RAB36: variants seen among roughly 807,000 people sequenced by gnomAD.
The protein encoded by RAB36 is RAB36, member RAS oncogene family.
In RAB36, 33 loss-of-function variants were observed where a neutral mutation model predicts 39.3. The observed-to-expected ratio is 0.84, with a 90% CI of 0.64 to 1.12. The LOEUF is 1.12. Ranked by LOEUF, RAB36 falls within the 50% of genes most tolerant of loss-of-function variation. The pLI is 0.00. For missense variants in RAB36, 308 were observed against 355.3 expected, an observed-to-expected ratio of 0.87 and a Z score of 1.07; for synonymous variants, 133 against 140.2, an observed-to-expected ratio of 0.95 and a Z score of 0.36.
intron 3 of RAB36, among the ~76,000 whole-genome samples, chr22:23,151,710 C>T (rs2071138301): frequency 6.6e-6 from 1 of 152,180 alleles, no homozygotes; most frequent in African/African-American, 2.4e-5. Flanking sequence ...CACAGCGAGA[C>T]CCTGTCTCTA....
At chr22:23,157,104 A>G (rs1336235345) in intron 6 of RAB36, among the ~76,000 whole-genome samples, 1 of 152,296 alleles carries the variant, frequency 6.6e-6, no homozygotes, top group East Asian at 1.9e-4. Flanking sequence ...GGGTGCGGCC[A>G]GTGATGAGAG....
At position 23,161,913 on chromosome 22, in the gene RAB36, A is replaced by G. The variant is rs931341126; in HGVS notation, c.*349A>G. 18 of 278,832 alleles carry G rather than the reference A, an allele frequency of 6.5e-5. No homozygotes were observed. Among genetic ancestry groups the G allele is most frequent in the East Asian group, 5.9e-4 (6 of 10,160 alleles). The allele number at this position is 278,832 out of a possible 1,614,324, so 17.3% of individuals were successfully genotyped here. A position where few individuals can be genotyped will look rare whatever the true frequency, so the allele number is the denominator to read the frequency against. On this transcript the variant is annotated 3_prime_UTR_variant, in exon 11 of 11. Coordinates refer to ENST00000263116, the MANE Select transcript of RAB36 (RefSeq NM_004914.5). ...GAACTGCAAACTCCTGCGTCGGTCT[A>G]TACTACTCGGCCATGGCCCACATCA...
chr22:23,156,378 C>T (rs1256253902), intron 6 of RAB36: 2 of 237,034 alleles, frequency 8.4e-6, no homozygotes, highest in Non-Finnish European at 8.5e-6. Flanking sequence ...GAGGCTTGTC[C>T]TGTCTTAGCA....
Position 23,158,282 on chromosome 22 carries a change from A to G in RAB36, c.446+239A>G, listed in dbSNP as rs574295921. On this transcript the variant is annotated intron_variant, in intron 7 of 10. Transcript: ENST00000263116. Reference sequence around the variant, plus strand: ...GAGCCCAGCACAGCCACCCCCAGGCACGTGCTCAGAGGGGCCCCAACCTGC... The same window carrying G: ...GAGCCCAGCACAGCCACCCCCAGGCGCGTGCTCAGAGGGGCCCCAACCTGC... Among the ~76,000 whole-genome samples the G allele has an allele frequency of 2.0e-5, 3 of 152,330 alleles. No individual in the cohort carries two copies. The South Asian group carries it at 6.2e-4, about 32-fold the overall frequency.
chr22:23,156,564 C>G (rs542341505), intron 6 of RAB36, among the ~76,000 whole-genome samples: 2 of 152,290 alleles, frequency 1.3e-5, no homozygotes, highest in East Asian at 3.9e-4. Context: ...GGATGCCTAC[C>G]CCACCTTCCC....
chr22:23,150,697 G>A (rs1000259754), intron 3 of RAB36, among the ~76,000 whole-genome samples: 32 of 152,114 alleles, frequency 2.1e-4, no homozygotes, highest in African/African-American at 7.2e-4. Flanking sequence ...TCAGCCTCAG[G>A]TCTTGGTACA....
At position 23,163,942 on chromosome 22, in the gene RAB36, T is replaced by A. The variant is rs1185970382; in HGVS notation, c.*2378T>A. On this transcript the variant is annotated 3_prime_UTR_variant, in exon 11 of 11. Transcript: ENST00000263116. ...GGATGGATTGTAGTTCATTTGACCC[T>A]CCCCATCCGCGGGCCATCCGGCTTG... is the stretch of plus-strand genomic sequence containing the variant. 6.6e-6 allele frequency: 1 copy of A among 152,228 alleles called. No individual in the cohort carries two copies. Among genetic ancestry groups the A allele is most frequent in the Non-Finnish European group, 1.5e-5 (1 of 68,064 alleles). 9.4% of individuals were successfully genotyped at this position (152,228 alleles called of 1,614,324 possible). A position where few individuals can be genotyped will look rare whatever the true frequency, so the allele number is the denominator to read the frequency against.
chr22:23,153,097 C>T lies in RAB36; in HGVS notation c.292C>T (p.Arg98Cys), dbSNP rs760545050. ...CATTGGGGTGGACTTTGAAATTGAG[C>T]GCTTTGAGATTGCTGGGATTCCCTA... ...ATIGVDFEIERFEIAGIPYSL... is the reference protein window; with the variant it reads ...ATIGVDFEIECFEIAGIPYSL... Residue 98 changes from arginine (R) to cysteine (C), a missense_variant, in exon 5 of 11, where the codon CGC (arginine) becomes TGC (cysteine). Coordinates refer to ENST00000263116, the MANE Select transcript of RAB36 (RefSeq NM_004914.5). 2.3e-5 allele frequency: 37 copies of T among 1,614,074 alleles called. No individual in the cohort carries two copies. The highest frequency in any genetic ancestry group is 3.3e-5 in the Admixed American group (2 of 60,016).
intron 6 of RAB36, among the ~76,000 whole-genome samples, chr22:23,157,405 C>G (rs185049196): frequency 6.6e-6 from 1 of 152,090 alleles, no homozygotes; most frequent in Non-Finnish European, 1.5e-5. Flanking sequence ...TGCCGGCTAC[C>G]ACACCCAGCT....
At chr22:23,150,810 A>G (rs1555947370) in intron 3 of RAB36, among the ~76,000 whole-genome samples, 2 of 150,466 alleles carry the variant, frequency 1.3e-5, no homozygotes, top group Non-Finnish European at 3.0e-5. Context: ...GCCTTCTCTG[A>G]CCCCCCACTA....
chr22:23,152,057 C>A (rs1193452653), intron 3 of RAB36, among the ~76,000 whole-genome samples: 2 of 152,218 alleles, frequency 1.3e-5, no homozygotes, highest in Non-Finnish European at 2.9e-5. Flanking sequence ...GCCGGGGTCT[C>A]CCTGCACGTG....
At chr22:23,157,635 A>G (rs941520117) in intron 6 of RAB36, among the ~76,000 whole-genome samples, 4 of 152,166 alleles carry the variant, frequency 2.6e-5, no homozygotes, top group Admixed American at 2.0e-4. Flanking sequence ...CGTCCTCGCC[A>G]TTTTACAGGT....
At chr22:23,165,955 G>T (rs1046565139), downstream of RAB36, among the ~76,000 whole-genome samples, 7 of 152,020 alleles carry the variant, frequency 4.6e-5, no homozygotes, top group Non-Finnish European at 7.4e-5. Flanking sequence ...GACCATCCTG[G>T]CTAACATGGT....
At chr22:23,160,581 G>A (rs982600925) in intron 9 of RAB36, among the ~76,000 whole-genome samples, 6 of 152,232 alleles carry the variant, frequency 3.9e-5, no homozygotes, top group Non-Finnish European at 8.8e-5. Flanking sequence ...GATTGGAAGA[G>A]TAGATGCTGG....
chr22:23,149,588 A>G lies in RAB36; in HGVS notation c.70-475A>G, dbSNP rs116275041. On this transcript the variant is annotated intron_variant, in intron 2 of 10. Coordinates refer to ENST00000263116, the MANE Select transcript of RAB36 (RefSeq NM_004914.5). ...GGTCTCACTCTGTCACCCAAGTTGG[A>G]GTGCAGTGGCATGATCATAGCTCAC... is the stretch of plus-strand genomic sequence containing the variant. Among the ~76,000 whole-genome samples the G allele has an allele frequency of 6.4e-3, 974 of 152,342 alleles. 7 individuals carry two copies. Among genetic ancestry groups the G allele is most frequent in the African/African-American group, 0.023 (937 of 41,562 alleles).
chr22:23,168,718 C>G (rs2072091189), downstream of RAB36, among the ~76,000 whole-genome samples: 1 of 152,166 alleles, frequency 6.6e-6, no homozygotes. Flanking sequence ...TTTGTCCAGG[C>G]ACCCCCTCAG....
At chr22:23,167,965 G>A (rs932942603), downstream of RAB36, among the ~76,000 whole-genome samples, 9 of 152,078 alleles carry the variant, frequency 5.9e-5, no homozygotes, top group African/African-American at 2.2e-4. Context: ...CCCCACCCCA[G>A]CCTCCCAAGT....
At chr22:23,145,353 G>T (rs1380131051), upstream of RAB36, 1 of 1,601,316 alleles carries the variant, frequency 6.2e-7, no homozygotes, top group Non-Finnish European at 8.5e-7. Context: ...ACTCCAGGCA[G>T]GTTCTCGTTG....
chr22:23,167,849 T>C (rs1184389207), downstream of RAB36, among the ~76,000 whole-genome samples: 2 of 151,830 alleles, frequency 1.3e-5, no homozygotes, highest in Admixed American at 1.3e-4. Flanking sequence ...CCTGGCTTCA[T>C]TGACTAATTC....
Sources: allele counts gnomAD v4.1 joint callset (sites outside exome capture counted in the v4.1 genomes callset), GRCh38; gene constraint gnomAD v4.1.1; transcripts MANE v1.5; gene names NCBI Gene and HGNC (gene_info 2026-07-23, HGNC 2026-07-21).